PACRG: variants seen among roughly 807,000 people sequenced by gnomAD.
The protein encoded by PACRG is parkin coregulated.
In PACRG, 29 loss-of-function variants were observed where a neutral mutation model predicts 29.7. The ratio of observed to expected loss-of-function variants is 0.98; its 90% CI spans 0.73 to 1.33. PACRG has a LOEUF of 1.33. Ranked by LOEUF, PACRG falls within the 40% of genes most tolerant of loss-of-function variation. The pLI is 0.00. For missense variants in PACRG, 279 were observed against 316.2 expected (o/e 0.88, Z 0.89); for synonymous variants, 116 against 118.7 (o/e 0.98, Z 0.15).
chr6:162,969,002 G>C (rs989160881), intron 2 of PACRG, among the ~76,000 whole-genome samples: 9 of 129,570 alleles, frequency 6.9e-5, no homozygotes, highest in African/African-American at 2.7e-4. Flanking sequence ...AGCCGAGATC[G>C]CACCACTGCC....
chr6:162,964,202 CA>C (rs1800851957), intron 2 of PACRG, among the ~76,000 whole-genome samples: 1 of 152,082 alleles, frequency 6.6e-6, no homozygotes, highest in Non-Finnish European at 1.5e-5. Flanking sequence ...CTGCCATTTA[CA>C]AACTAGATAA....
intron 2 of PACRG, among the ~76,000 whole-genome samples, chr6:162,995,472 G>T (rs1207990681): frequency 6.6e-6 from 1 of 152,218 alleles, no homozygotes; most frequent in Non-Finnish European, 1.5e-5. Context: ...GGTCTGAAAA[G>T]CGCAGTATTC....
intron 2 of PACRG, among the ~76,000 whole-genome samples, chr6:162,865,323 A>T (rs1792205798): frequency 6.6e-6 from 1 of 152,170 alleles, no homozygotes; most frequent in South Asian, 2.1e-4. Context: ...ATGTTGAGAA[A>T]ATGATATAGT....
At chr6:163,074,183 A>G (rs1812330914) in intron 3 of PACRG, among the ~76,000 whole-genome samples, 1 of 152,260 alleles carries the variant, frequency 6.6e-6, no homozygotes, top group African/African-American at 2.4e-5. Context: ...GTGTCCATCA[A>G]CAGATGAATG....
chr6:163,228,166 C>G (rs1781879412), intron 4 of PACRG, among the ~76,000 whole-genome samples: 1 of 150,894 alleles, frequency 6.6e-6, no homozygotes, highest in Non-Finnish European at 1.5e-5. Flanking sequence ...TTCAATCTAC[C>G]ACTAATCAGT....
intron 3 of PACRG, among the ~76,000 whole-genome samples, chr6:163,083,657 G>A (rs376176021): frequency 3.9e-4 from 59 of 152,216 alleles, no homozygotes; most frequent in East Asian, 1.2e-3. Flanking sequence ...TAATTTGTGC[G>A]TTGTCTGTTT....
At chr6:163,244,531 G>T (rs1782621989) in intron 4 of PACRG, among the ~76,000 whole-genome samples, 1 of 152,146 alleles carries the variant, frequency 6.6e-6, no homozygotes, top group Admixed American at 6.5e-5. Flanking sequence ...TCGAAAGGAA[G>T]GCCCAGCACT....
In PACRG at chr6:163,290,266, ACG is replaced by A. The variant is rs377081564; in HGVS notation, c.614-24549_614-24548del. 2.0e-3 allele frequency among the ~76,000 whole-genome samples: 241 copies of A among 120,578 alleles called. 1 individual carries two copies. The highest frequency in any genetic ancestry group is 3.1e-3 in the African/African-American group (97 of 31,350). 79.1% of individuals were successfully genotyped at this position (120,578 alleles called of 152,430 possible). A position where few individuals can be genotyped will look rare whatever the true frequency, so the allele number is the denominator to read the frequency against. ...TTATCATACGCACATGTGCGCATGC[ACG>A]CGCGCGCGCGCACACACACACACAC... On this transcript the variant is annotated intron_variant, in intron 4 of 4. Transcript: ENST00000366888.
chr6:163,131,315 CAAA>C (rs55958953), intron 4 of PACRG, among the ~76,000 whole-genome samples: 1 of 136,184 alleles, frequency 7.3e-6, no homozygotes, highest in Non-Finnish European at 1.6e-5. Flanking sequence ...CTGTCTCAAA[CAAA>C]AAAAAAAAAA....
chr6:163,250,165 A>G (rs2128171886), intron 4 of PACRG, among the ~76,000 whole-genome samples: 1 of 152,398 alleles, frequency 6.6e-6, no homozygotes, highest in East Asian at 1.9e-4. Context: ...GAAGCAACAC[A>G]AAGTTCTGAT....
chr6:162,766,797 A>G (rs1217518825), intron 1 of PACRG, among the ~76,000 whole-genome samples: 1 of 152,084 alleles, frequency 6.6e-6, no homozygotes, highest in Non-Finnish European at 1.5e-5. Flanking sequence ...TCTATCTGTG[A>G]TAGAAATTAA....
intron 1 of PACRG, among the ~76,000 whole-genome samples, chr6:162,771,568 G>A (rs946393121): frequency 6.6e-6 from 1 of 151,952 alleles, no homozygotes; most frequent in Non-Finnish European, 1.5e-5. Flanking sequence ...CGAAGACCAG[G>A]TGTATTTTGT....
At chr6:163,074,729 A>T (rs896731006) in intron 3 of PACRG, among the ~76,000 whole-genome samples, 8 of 152,352 alleles carry the variant, frequency 5.3e-5, no homozygotes, top group African/African-American at 1.9e-4. Context: ...ATTAAAATAC[A>T]TACAGAAAAC....
At chr6:163,109,449 A>G (rs1041319517) in intron 4 of PACRG, among the ~76,000 whole-genome samples, 1 of 152,220 alleles carries the variant, frequency 6.6e-6, no homozygotes, top group East Asian at 1.9e-4. Context: ...CCTCTCAGCA[A>G]TTCTAGGAAC....
chr6:163,058,788 T>C (rs1041519834), intron 2 of PACRG, among the ~76,000 whole-genome samples: 1 of 152,274 alleles, frequency 6.6e-6, no homozygotes, highest in East Asian at 1.9e-4. Flanking sequence ...TGGTCCCAGC[T>C]ACTCGGGAGG....
At chr6:162,957,077 T>A (rs1800105159) in intron 2 of PACRG, among the ~76,000 whole-genome samples, 1 of 151,852 alleles carries the variant, frequency 6.6e-6, no homozygotes, top group African/African-American at 2.4e-5. Flanking sequence ...AACTAGTGAT[T>A]TAGAGGTAGG....
intron 4 of PACRG, among the ~76,000 whole-genome samples, chr6:163,291,505 G>A (rs1189977631): frequency 1.3e-5 from 2 of 152,234 alleles, no homozygotes; most frequent in South Asian, 4.1e-4. Flanking sequence ...CCAGAGACCC[G>A]GATGCAACTA....
rs369237686 is a variant in PACRG at position 163,044,823 on chromosome 6, A to G, written c.292-17327A>G. The G allele has an allele frequency of 8.5e-4, 130 of 152,350 alleles. 1 individual carries two copies. The highest frequency in any genetic ancestry group is 3.1e-3 in the African/African-American group (128 of 41,572). 9.4% of individuals were successfully genotyped at this position (152,350 alleles called of 1,614,324 possible). ...CCCTGGGAAGACCCTGTTGTTAAAA[A>G]TGTCATCATGGATTTATCCATTAAG... On this transcript the variant is annotated intron_variant, in intron 2 of 4. Coordinates refer to ENST00000366888, the MANE Select transcript of PACRG (RefSeq NM_001080379.2).
At chr6:163,304,483 C>A (rs35073930) in intron 4 of PACRG, among the ~76,000 whole-genome samples, 11,477 of 152,208 alleles carry the variant, frequency 0.075, 506 homozygotes, top group Non-Finnish European at 0.099. Flanking sequence ...CCTTTCCCCC[C>A]ACGAGGTGGT....
Sources: gnomAD v4.1 joint callset for allele counts (sites outside exome capture counted in the v4.1 genomes callset) on GRCh38, gnomAD v4.1.1 for gene constraint, MANE v1.5 for transcripts, NCBI Gene and HGNC (gene_info 2026-07-23, HGNC 2026-07-21) for gene names.